The following OR14I1 variants were observed in gnomAD, a reference collection of about 807,000 sequenced individuals.
OR14I1 encodes olfactory receptor 14I1.
For missense variants in OR14I1, 279 were observed against 181.8 expected (o/e 1.53, Z -3.07); for synonymous variants, 118 against 71.1 (o/e 1.66, Z -3.32).
At chr1:248,679,205 G>C (rs1288005531), downstream of OR14I1, among the ~76,000 whole-genome samples, 16 of 152,112 alleles carry the variant, frequency 1.1e-4, no homozygotes, top group Non-Finnish European at 2.1e-4. Flanking sequence ...ATTAGGAGAA[G>C]CTGGGTGAGC....
chr1:248,695,002 T>C, the OR14I1 span, among the ~76,000 whole-genome samples: 3 of 152,162 alleles, frequency 2.0e-5, no homozygotes, highest in Non-Finnish European at 4.4e-5. Flanking sequence ...TACATTTTAT[T>C]TTAATTAATT....
chr1:248,688,708 GACA>G, the OR14I1 span, among the ~76,000 whole-genome samples: 4 of 152,220 alleles, frequency 2.6e-5, no homozygotes, highest in Non-Finnish European at 5.9e-5. Flanking sequence ...CAAAGATCAT[GACA>G]ACAAGAAAGA....
At position 248,681,768 on chromosome 1, in the gene OR14I1, GA is replaced by G; in HGVS notation, c.536del (p.Ile179ThrfsTer15). The G allele has an allele frequency of 1.3e-6, 1 of 781,076 alleles. No homozygotes were observed. The allele number at this position is 781,076 out of a possible 1,614,324, so 48.4% of individuals were successfully genotyped here. On this transcript the variant is annotated frameshift_variant, in exon 1 of 1. Coordinates refer to ENST00000342623, the Ensembl canonical transcript of OR14I1. LOFTEE classifies it low-confidence loss of function (END_TRUNC). ...AGGAAACCAGGGCCAACACATGAGG[GA>G]TGTCACGGAAGAACTGGTGGATCAC...
At chr1:248,700,432 C>G in the OR14I1 span, among the ~76,000 whole-genome samples, 4 of 152,200 alleles carry the variant, frequency 2.6e-5, no homozygotes, top group African/African-American at 9.6e-5. Flanking sequence ...TTGTGCAATA[C>G]AAGAACACTA....
chr1:248,679,987 T>C (rs1327635387), downstream of OR14I1, among the ~76,000 whole-genome samples: 1 of 152,248 alleles, frequency 6.6e-6, no homozygotes, highest in Non-Finnish European at 1.5e-5. Flanking sequence ...ATGTTTTAAA[T>C]GTACTTTCAA....
chr1:248,679,085 C>T (rs1661519063), downstream of OR14I1, among the ~76,000 whole-genome samples: 2 of 152,088 alleles, frequency 1.3e-5, no homozygotes, highest in Admixed American at 1.3e-4. Context: ...CTACTCCTGC[C>T]CCAAATGGTA....
chr1:248,700,501 A>C, the OR14I1 span, among the ~76,000 whole-genome samples: 1 of 152,254 alleles, frequency 6.6e-6, no homozygotes, highest in Admixed American at 6.5e-5. Context: ...AATGTCATTC[A>C]TGACCCCGAA....
chr1:248,681,383 A>T (rs1322759635), exon 1 of OR14I1: 1 of 750,524 alleles, frequency 1.3e-6, no homozygotes, highest in Non-Finnish European at 2.5e-6. Context: ...TTTTGCAGAA[A>T]ATATATCTTC....
chr1:248,686,220 A>T (rs959722137), upstream of OR14I1, among the ~76,000 whole-genome samples: 2 of 152,228 alleles, frequency 1.3e-5, no homozygotes, highest in Admixed American at 6.5e-5. Flanking sequence ...AGAGACCTGA[A>T]TTCTTGTCAT....
At chr1:248,691,209 G>C in the OR14I1 span, among the ~76,000 whole-genome samples, 1 of 152,234 alleles carries the variant, frequency 6.6e-6, no homozygotes, top group Non-Finnish European at 1.5e-5. Flanking sequence ...CTCATAGGTA[G>C]AAGGGACCCT....
exon 1 of OR14I1, chr1:248,681,585 G>A (rs756030771): frequency 3.5e-5 from 27 of 780,920 alleles, no homozygotes; most frequent in South Asian, 3.4e-4. Flanking sequence ...TGAGCTGGGG[G>A]GAGCAGGTGG....
At chr1:248,686,721 T>C (rs1661662446), upstream of OR14I1, among the ~76,000 whole-genome samples, 1 of 142,198 alleles carries the variant, frequency 7.0e-6, no homozygotes, top group Non-Finnish European at 1.6e-5. Flanking sequence ...ACAAATTCAA[T>C]TTCCTTATTG....
the OR14I1 span, among the ~76,000 whole-genome samples, chr1:248,695,477 C>G: frequency 6.6e-6 from 1 of 152,114 alleles, no homozygotes; most frequent in East Asian, 1.9e-4. Flanking sequence ...TCGTGATCCA[C>G]CTGCGTCTGC....
At chr1:248,685,412 A>G (rs1202465627), upstream of OR14I1, among the ~76,000 whole-genome samples, 1 of 152,184 alleles carries the variant, frequency 6.6e-6, no homozygotes, top group Non-Finnish European at 1.5e-5. Context: ...ACAACCAAGA[A>G]TTGCAGCTGT....
the OR14I1 span, among the ~76,000 whole-genome samples, chr1:248,689,085 C>A: frequency 6.6e-6 from 1 of 152,160 alleles, no homozygotes; most frequent in African/African-American, 2.4e-5. Context: ...TTGGGACACG[C>A]GGTCCTTTAC....
the OR14I1 span, among the ~76,000 whole-genome samples, chr1:248,688,604 C>T: frequency 6.6e-6 from 1 of 152,208 alleles, no homozygotes. Context: ...TCTATAATCA[C>T]AGACTGGTAC....
At chr1:248,701,140 G>T in the OR14I1 span, among the ~76,000 whole-genome samples, 1 of 152,092 alleles carries the variant, frequency 6.6e-6, no homozygotes, top group Non-Finnish European at 1.5e-5. Flanking sequence ...AAACAATAAT[G>T]ATTTTACACA....
chr1:248,695,125 G>T, the OR14I1 span, among the ~76,000 whole-genome samples: 3 of 151,662 alleles, frequency 2.0e-5, no homozygotes, highest in Non-Finnish European at 4.4e-5. Context: ...GAATTGGAAG[G>T]TCTCTCTAAC....
chr1:248,695,621 CT>C, the OR14I1 span, among the ~76,000 whole-genome samples: 1 of 152,092 alleles, frequency 6.6e-6, no homozygotes, highest in Non-Finnish European at 1.5e-5. Flanking sequence ...CCCTGGATCT[CT>C]AATGGTTGTA....
Sources: gnomAD v4.1 joint callset for allele counts (sites outside exome capture counted in the v4.1 genomes callset) on GRCh38, gnomAD v4.1.1 for gene constraint, MANE v1.5 for transcripts, NCBI Gene and HGNC (gene_info 2026-07-23, HGNC 2026-07-21) for gene names.